Variants in POC1A observed in about 807,000 individuals in gnomAD.
POC1A encodes POC1 centriolar protein A.
A neutral mutation model predicts 47.8 loss-of-function variants in POC1A; 34 were observed. That is an observed-to-expected ratio of 0.71 (90% CI 0.54 to 0.95). The LOEUF (loss-of-function observed/expected upper bound fraction) is 0.95, where lower values mean the gene tolerates loss of function less well. POC1A is among the 40% of genes least tolerant of loss of function. POC1A has a pLI of 0.00. For synonymous variants in POC1A, 177 were observed against 207.6 expected (o/e 0.85, Z 1.27); for missense variants, 466 against 528.3 (o/e 0.88, Z 1.16).
chr3:52,153,217 T>C (rs1284667121), intron 1 of POC1A, among the ~76,000 whole-genome samples: 3 of 152,174 alleles, frequency 2.0e-5, no homozygotes, highest in Non-Finnish European at 2.9e-5. Flanking sequence ...CTCCGGAGAC[T>C]CTCTCCATCC....
chr3:52,108,898 C>T (rs1182837715), intron 9 of POC1A, among the ~76,000 whole-genome samples: 2 of 152,238 alleles, frequency 1.3e-5, no homozygotes, highest in Admixed American at 6.5e-5. Flanking sequence ...CCAGTGCCCC[C>T]CAGCGGATGC....
intron 7 of POC1A, among the ~76,000 whole-genome samples, chr3:52,135,558 C>T (rs1052249198): frequency 2.6e-5 from 4 of 152,186 alleles, no homozygotes; most frequent in Non-Finnish European, 4.4e-5. Flanking sequence ...GGCCCATTAG[C>T]TGATTCTGAA....
chr3:52,077,129 T>C (rs1454652913), intron 10 of POC1A, among the ~76,000 whole-genome samples: 4 of 152,222 alleles, frequency 2.6e-5, no homozygotes, highest in Admixed American at 6.5e-5. Flanking sequence ...AGTGCCTTAC[T>C]GTATGCCAGG....
chr3:52,122,599 A>G (rs1323748018), intron 8 of POC1A, 122 bp from the exon 9 acceptor site: 9 of 675,724 alleles, frequency 1.3e-5, no homozygotes, highest in Non-Finnish European at 1.3e-5. Flanking sequence ...AGTGGTCCCC[A>G]CCTGACACCC....
At chr3:52,078,981 C>T (rs1702202547) in intron 10 of POC1A, among the ~76,000 whole-genome samples, 1 of 152,216 alleles carries the variant, frequency 6.6e-6, no homozygotes, top group Admixed American at 6.5e-5. Context: ...GTCTGGGCCA[C>T]AGGCCCAGAG....
At position 52,154,366 on chromosome 3, in the gene POC1A, C is replaced by CAGCCATGGCGG; in HGVS notation, c.-5_6dup (p.Ala3ProfsTer50). On this transcript the variant is annotated frameshift_variant, in exon 1 of 11. Coordinates refer to ENST00000296484, the MANE Select transcript of POC1A (RefSeq NM_015426.5). LOFTEE classifies it high-confidence loss of function. ...TCGGCTGGGCTTACCGCGCAGGGCG[C>CAGCCATGGCGG]AGCCATGGCGGGGCTGGCGGCGCCG... 1 of 1,527,340 alleles carries CAGCCATGGCGG rather than the reference C, an allele frequency of 6.5e-7. No homozygotes were observed. The highest frequency in any genetic ancestry group is 2.7e-5 in the East Asian group (1 of 37,106). The allele number at this position is 1,527,340 out of a possible 1,614,324, so 94.6% of individuals were successfully genotyped here. A position where few individuals can be genotyped will look rare whatever the true frequency, so the allele number is the denominator to read the frequency against.
At chr3:52,103,901 T>A (rs1476624320) in intron 9 of POC1A, among the ~76,000 whole-genome samples, 1 of 152,178 alleles carries the variant, frequency 6.6e-6, no homozygotes, top group Admixed American at 6.5e-5. Flanking sequence ...GGCACGAACG[T>A]AAGATGGCAT....
Position 52,096,575 on chromosome 3 carries a change from G to A in POC1A, c.1119C>T (p.Leu373=). The change falls in exon 10 of 11, where the codon CTC becomes CTT. Residue 373 remains leucine, a synonymous_variant. Transcript: ENST00000296484. ...AACCCACAGTGTGGCCTACCTGAGT[G>A]AGGACATCCAGCTGGCCCACAATGT... ...LEHIVGQLDV[L]TQTVSILEQR... The A allele has an allele frequency of 6.3e-7, 1 of 1,578,632 alleles. No individual in the cohort carries two copies. The highest frequency in any genetic ancestry group is 8.6e-7 in the Non-Finnish European group (1 of 1,164,716).
chr3:52,097,279 C>G (rs1360915744), intron 9 of POC1A, among the ~76,000 whole-genome samples: 1 of 152,222 alleles, frequency 6.6e-6, no homozygotes, highest in East Asian at 1.9e-4. Flanking sequence ...CCCACCCTGG[C>G]CCAGATCCCC....
Position 52,122,377 on chromosome 3 carries a change from AC to A in POC1A, c.981+1del. The A allele has an allele frequency of 1.3e-6, 2 of 1,577,590 alleles. No individual in the cohort carries two copies. Among genetic ancestry groups the A allele is most frequent in the East Asian group, 2.2e-5 (1 of 44,712 alleles). ...TCAGGACATGCCTGCCAAGCCACTT[AC>A]CAGATTCCCCATGGAGCTGGCCAGT... On this transcript the variant is annotated splice_donor_variant, in intron 9 of 10. Coordinates refer to ENST00000296484, the MANE Select transcript of POC1A (RefSeq NM_015426.5). LOFTEE classifies it high-confidence loss of function.
At chr3:52,110,942 C>G (rs1703358319) in intron 9 of POC1A, among the ~76,000 whole-genome samples, 1 of 152,226 alleles carries the variant, frequency 6.6e-6, no homozygotes, top group Non-Finnish European at 1.5e-5. Context: ...TAACGAAGCT[C>G]TCAAAGGAGT....
chr3:52,132,334 G>T (rs1314778807), intron 7 of POC1A, among the ~76,000 whole-genome samples: 1 of 152,256 alleles, frequency 6.6e-6, no homozygotes, highest in African/African-American at 2.4e-5. Context: ...TTCAAAACCA[G>T]AAATGGGTGG....
chr3:52,148,475 A>AAAG (rs1698441977), intron 4 of POC1A, among the ~76,000 whole-genome samples: 1 of 152,196 alleles, frequency 6.6e-6, no homozygotes, highest in Non-Finnish European at 1.5e-5. Context: ...AAGATATTTG[A>AAAG]CCCATGGGGA....
intron 9 of POC1A, among the ~76,000 whole-genome samples, chr3:52,115,583 G>A (rs578056588): frequency 6.6e-6 from 1 of 152,300 alleles, no homozygotes; most frequent in East Asian, 1.9e-4. Flanking sequence ...CAAAGTAATA[G>A]TATTAGGAGG....
At chr3:52,149,580 T>A (rs1435381503) in intron 3 of POC1A, among the ~76,000 whole-genome samples, 191 bp from the exon 4 acceptor site, 1 of 152,192 alleles carries the variant, frequency 6.6e-6, no homozygotes, top group Admixed American at 6.5e-5. Context: ...CCCACCCACA[T>A]GAACACAGCA....
In POC1A at chr3:52,138,179, T is replaced by C. The variant is rs1170803516; in HGVS notation, c.803A>G (p.His268Arg). The change falls in exon 7 of 11, where the codon CAC (histidine) becomes CGC (arginine). Residue 268 changes from histidine (H) to arginine (R), a missense_variant. Coordinates refer to ENST00000296484, the MANE Select transcript of POC1A (RefSeq NM_015426.5). ...GCCGACACCTCTCACCTGATGCCCG[T>C]GGAGTGTGTAGAGCAGCCGGCCCTC... The part of the protein sequence containing the change: ...LMEGRLLYTL[H>R]GHQGPATTVA... 8.7e-6 allele frequency: 14 copies of C among 1,614,116 alleles called. No homozygotes were observed. The highest frequency in any genetic ancestry group is 1.1e-5 in the Non-Finnish European group (13 of 1,180,016).
intron 7 of POC1A, among the ~76,000 whole-genome samples, chr3:52,127,223 G>A (rs935017577): frequency 6.6e-6 from 1 of 152,214 alleles, no homozygotes; most frequent in Non-Finnish European, 1.5e-5. Context: ...ATCACGGGCT[G>A]TGTGGCCCCT....
intron 7 of POC1A, among the ~76,000 whole-genome samples, chr3:52,137,822 G>A (rs1391954662): frequency 6.6e-6 from 1 of 152,188 alleles, no homozygotes; most frequent in African/African-American, 2.4e-5. Context: ...GGGCCTCCAG[G>A]AAACCCTGAT....
intron 7 of POC1A, among the ~76,000 whole-genome samples, chr3:52,128,164 A>T (rs1363028560): frequency 6.6e-6 from 1 of 152,218 alleles, no homozygotes; most frequent in African/African-American, 2.4e-5. Flanking sequence ...CCCAGAGCTC[A>T]CTGAGTGATG....
Sources: allele counts gnomAD v4.1 joint callset (sites outside exome capture counted in the v4.1 genomes callset), GRCh38; gene constraint gnomAD v4.1.1; transcripts MANE v1.5; gene names NCBI Gene and HGNC (gene_info 2026-07-23, HGNC 2026-07-21).